TENM4: variants seen among roughly 807,000 people sequenced by gnomAD.
TENM4 encodes teneurin transmembrane protein 4, also known as teneurin-4.
In TENM4, 82 loss-of-function variants were observed where a neutral mutation model predicts 243.3. That is an observed-to-expected ratio of 0.34 (90% CI 0.28 to 0.40). TENM4 has a LOEUF of 0.40. Ranked by LOEUF, TENM4 falls within the 10% of genes least tolerant of loss-of-function variation. The pLI, the probability that TENM4 is intolerant of heterozygous loss-of-function variation, is 1.00. For synonymous variants in TENM4, 1,412 were observed against 1,456.3 expected (o/e 0.97, Z 0.69); for missense variants, 3,138 against 3,673.3 (o/e 0.85, Z 3.77).
At chr11:79,138,854 T>TATA (rs1565219720) in intron 4 of TENM4, among the ~76,000 whole-genome samples, 1 of 119,690 alleles carries the variant, frequency 8.4e-6, no homozygotes, top group African/African-American at 3.3e-5. Flanking sequence ...TATATAAATA[T>TATA]ACAAAATATA....
chr11:79,032,207 A>G (rs1227828786), intron 6 of TENM4, among the ~76,000 whole-genome samples: 3 of 152,198 alleles, frequency 2.0e-5, no homozygotes, highest in African/African-American at 7.2e-5. Context: ...GGCCAATGGG[A>G]ACACAATCCA....
intron 6 of TENM4, among the ~76,000 whole-genome samples, chr11:78,982,353 C>T (rs1380250666): frequency 6.6e-6 from 1 of 152,114 alleles, no homozygotes; most frequent in African/African-American, 2.4e-5. Context: ...GCGGCTGTGG[C>T]CTCCTCTGAA....
rs888155189 is a variant in TENM4, at chr11:79,440,703, C to A, written c.-515G>T. ...GACCAACAATAGCTCCCGCGGGGAG[C>A]GGAGCCCCAGCGAGCCTCCAGCCGC... is the stretch of plus-strand genomic sequence containing the variant. On this transcript the variant is annotated 5_prime_UTR_variant, in exon 1 of 34. Transcript: ENST00000278550. The surrounding 1 kb of genome is among the most constrained non-coding windows in gnomAD (Gnocchi z 4.7). The A allele has an allele frequency of 6.6e-6, 1 of 152,216 alleles. No individual in the cohort carries two copies. The highest frequency in any genetic ancestry group is 1.5e-5 in the Non-Finnish European group (1 of 68,160). 9.4% of individuals were successfully genotyped at this position (152,216 alleles called of 1,614,324 possible).
chr11:78,829,905 C>A (rs1264138164), intron 12 of TENM4, among the ~76,000 whole-genome samples: 3 of 152,178 alleles, frequency 2.0e-5, no homozygotes, highest in Non-Finnish European at 4.4e-5. Flanking sequence ...TTTGTGACAA[C>A]AGGATAAGAG....
chr11:79,431,594 A>G (rs911167937), intron 1 of TENM4, among the ~76,000 whole-genome samples: 3 of 152,236 alleles, frequency 2.0e-5, no homozygotes, highest in Non-Finnish European at 4.4e-5. Context: ...CCTGTCTCCC[A>G]GCACCCTCTC....
chr11:79,028,034 G>A (rs58051195), intron 6 of TENM4, among the ~76,000 whole-genome samples: 3,934 of 152,218 alleles, frequency 0.026, 114 homozygotes, highest in East Asian at 0.075. Context: ...GTGGTTAAAG[G>A]TCTGTTAGGC....
intron 6 of TENM4, among the ~76,000 whole-genome samples, chr11:79,013,596 G>T (rs1328503441): frequency 6.6e-6 from 1 of 152,190 alleles, no homozygotes; most frequent in Admixed American, 6.5e-5. Context: ...CGCCAACAGG[G>T]AGGGACTGGT....
At position 78,688,634 on chromosome 11, in the gene TENM4, T is replaced by C. The variant is rs1858743139; in HGVS notation, c.5088-408A>G. 2.0e-5 allele frequency among the ~76,000 whole-genome samples: 3 copies of C among 152,134 alleles called. No individual in the cohort carries two copies. The South Asian group carries it at 6.2e-4, about 32-fold the overall frequency. On this transcript the variant is annotated intron_variant, in intron 28 of 33. Transcript: ENST00000278550. ...GATGTAGTCAAGCTTGATGCCTGAATACCCTCTGCAAAACCCGCAAGAACT... is the reference window on the plus strand; with the variant it reads ...GATGTAGTCAAGCTTGATGCCTGAACACCCTCTGCAAAACCCGCAAGAACT...
chr11:79,237,273 T>G (rs531436212), intron 2 of TENM4, among the ~76,000 whole-genome samples: 15 of 152,236 alleles, frequency 9.9e-5, no homozygotes, highest in Middle Eastern at 3.4e-3. Flanking sequence ...TAAGACAGGG[T>G]GGAGAGACAA....
chr11:79,320,550 T>C (rs917665218), intron 1 of TENM4, among the ~76,000 whole-genome samples: 1 of 152,144 alleles, frequency 6.6e-6, no homozygotes, highest in African/African-American at 2.4e-5. Flanking sequence ...GTAAACTAAG[T>C]CTCAGGAAAG....
intron 31 of TENM4, 94 bp from the exon 32 acceptor site, chr11:78,670,645 C>T (rs1377474782): frequency 1.3e-5 from 16 of 1,241,256 alleles, no homozygotes; most frequent in Non-Finnish European, 1.8e-5. Flanking sequence ...GAATGAATGT[C>T]CAAGGAGAAT....
intron 18 of TENM4, among the ~76,000 whole-genome samples, chr11:78,767,378 G>A (rs146013774): frequency 2.3e-3 from 345 of 152,304 alleles, no homozygotes; most frequent in African/African-American, 8.0e-3. Context: ...TTACGCTCTC[G>A]TAAGCCTTGT....
intron 25 of TENM4, among the ~76,000 whole-genome samples, chr11:78,715,769 G>A (rs1238256579): frequency 6.6e-6 from 1 of 152,214 alleles, no homozygotes; most frequent in Non-Finnish European, 1.5e-5. Flanking sequence ...GGGATCAAAT[G>A]AAATTATACA....
At chr11:78,749,380 A>G (rs1856129745) in intron 19 of TENM4, 1 of 130,338 alleles carries the variant, frequency 7.7e-6, no homozygotes, top group South Asian at 2.4e-4. Flanking sequence ...TTTTAAACTG[A>G]TGGGGTACCC....
chr11:79,112,655 C>T (rs188959544), intron 4 of TENM4, among the ~76,000 whole-genome samples: 2 of 152,206 alleles, frequency 1.3e-5, no homozygotes, highest in East Asian at 1.9e-4. Flanking sequence ...CTTTACAGCA[C>T]GAACACACCC....
chr11:79,314,495 C>T (rs962678508), intron 1 of TENM4, among the ~76,000 whole-genome samples: 2 of 152,174 alleles, frequency 1.3e-5, no homozygotes, highest in Non-Finnish European at 2.9e-5. Context: ...CCAGCACAAC[C>T]CTGGATCTAG....
intron 6 of TENM4, among the ~76,000 whole-genome samples, chr11:79,013,614 C>G (rs1858703589): frequency 6.6e-6 from 1 of 152,204 alleles, no homozygotes. Flanking sequence ...GGTAGAGCTC[C>G]TGGAAGGCTG....
At chr11:79,337,612 T>C (rs1296861669) in intron 1 of TENM4, among the ~76,000 whole-genome samples, 1 of 152,138 alleles carries the variant, frequency 6.6e-6, no homozygotes, top group South Asian at 2.1e-4. Flanking sequence ...AAGGTAAAGC[T>C]CTGTGGACCA....
chr11:79,058,907 G>A (rs941287017), intron 6 of TENM4, among the ~76,000 whole-genome samples: 1 of 152,204 alleles, frequency 6.6e-6, no homozygotes, highest in East Asian at 1.9e-4. Context: ...TGTACAATGA[G>A]TTGGGTTGCT....
Sources: allele counts gnomAD v4.1 joint callset (sites outside exome capture counted in the v4.1 genomes callset), GRCh38; gene constraint gnomAD v4.1.1; non-coding constraint Gnocchi (gnomAD v3.1); transcripts MANE v1.5; gene names NCBI Gene and HGNC (gene_info 2026-07-23, HGNC 2026-07-21).